The following DHRSX variants were observed in gnomAD, a reference collection of about 807,000 sequenced individuals.
DHRSX encodes the protein dehydrogenase/reductase X-linked.
DHRSX carries 31 observed loss-of-function variants against 34.0 expected under a neutral mutation model. The observed-to-expected ratio is 0.91, with a 90% CI of 0.69 to 1.23. The LOEUF is 1.23. DHRSX is among the 50% of genes most tolerant of loss of function. The probability of loss-of-function intolerance (pLI) is 0.00; values close to 1 mark genes in which losing one functional copy is unlikely to be tolerated. For synonymous variants in DHRSX, 201 were observed against 183.8 expected, an observed-to-expected ratio of 1.09 and a Z score of -0.76; for missense variants, 414 against 428.1, an observed-to-expected ratio of 0.97 and a Z score of 0.29.
At chrX:2,339,144 A>AT (rs1325676582) in intron 3 of DHRSX, among the ~76,000 whole-genome samples, 1 of 151,462 alleles carries the variant, frequency 6.6e-6, no homozygotes, top group East Asian at 1.9e-4. Flanking sequence ...AGTTCTTTTT[A>AT]TTTTTTTCTG....
intron 3 of DHRSX, among the ~76,000 whole-genome samples, chrX:2,369,664 G>A (rs2043034222): frequency 6.6e-6 from 1 of 151,808 alleles, no homozygotes; most frequent in South Asian, 2.1e-4. Flanking sequence ...AATTAGCCGG[G>A]GCTAATTTTT....
At chrX:2,469,529 G>T in intron 1 of DHRSX, among the ~76,000 whole-genome samples, 1 of 151,238 alleles carries the variant, frequency 6.6e-6, no homozygotes, top group East Asian at 2.0e-4. Context: ...TGTACACACT[G>T]AAGACATTCC....
intron 1 of DHRSX, among the ~76,000 whole-genome samples, chrX:2,484,332 C>A (rs2044825267): frequency 6.6e-6 from 1 of 152,122 alleles, no homozygotes; most frequent in South Asian, 2.1e-4. Context: ...AATGCATGGT[C>A]CGCGGAGCCA....
chrX:2,336,269 G>A (rs62583711), intron 3 of DHRSX: 41,042 of 151,868 alleles, frequency 0.27, 6,746 homozygotes, highest in African/African-American at 0.45. Context: ...CACCCTCCCA[G>A]AATGCTGGGA....
At chrX:2,459,516 T>TAG (rs750009785) in intron 1 of DHRSX, among the ~76,000 whole-genome samples, 6,113 of 139,830 alleles carry the variant, frequency 0.044, 205 homozygotes, top group South Asian at 0.1. Flanking sequence ...TATTGTACCA[T>TAG]AGAGAGAGAG....
At chrX:2,341,060 G>A (rs1001102346) in intron 3 of DHRSX, among the ~76,000 whole-genome samples, 6 of 151,988 alleles carry the variant, frequency 3.9e-5, no homozygotes, top group South Asian at 2.1e-4. Flanking sequence ...AATGGCTGCC[G>A]CTCTCTCTCC....
chrX:2,465,812 A>G (rs1473027250), intron 1 of DHRSX, among the ~76,000 whole-genome samples: 51 of 97,626 alleles, frequency 5.2e-4, no homozygotes, highest in African/African-American at 2.1e-3. Context: ...TCCATCGCAA[A>G]AAAAAAAAAA....
At chrX:2,362,331 C>T (rs1461937573) in intron 3 of DHRSX, among the ~76,000 whole-genome samples, 1 of 152,196 alleles carries the variant, frequency 6.6e-6, no homozygotes, top group Non-Finnish European at 1.5e-5. Flanking sequence ...CACAGAGTCT[C>T]ACTCTGTTGA....
intron 3 of DHRSX, among the ~76,000 whole-genome samples, chrX:2,358,950 GA>G (rs57856874): frequency 1.3e-3 from 156 of 124,488 alleles, no homozygotes; most frequent in East Asian, 3.7e-3. Context: ...CTCTGTCTCG[GA>G]AAAAAAAAAA....
At chrX:2,474,101 G>A (rs956186650) in intron 1 of DHRSX, among the ~76,000 whole-genome samples, 21 of 152,118 alleles carry the variant, frequency 1.4e-4, no homozygotes, top group Non-Finnish European at 4.4e-5. Flanking sequence ...GACACCCAAT[G>A]AAGAAACAAA....
At chrX:2,292,087 T>C (rs1023299335) in intron 3 of DHRSX, among the ~76,000 whole-genome samples, 5 of 152,032 alleles carry the variant, frequency 3.3e-5, no homozygotes, top group African/African-American at 1.2e-4. Context: ...AATGAGGAGC[T>C]CATACTCTAG....
In DHRSX at chrX:2,219,696, T is replaced by C. The variant is rs1432270807; in HGVS notation, c.*1345A>G. 2 of 152,174 alleles carry C rather than the reference T, an allele frequency of 1.3e-5. No individual in the cohort carries two copies. Among genetic ancestry groups the C allele is most frequent in the Admixed American group, 6.6e-5 (1 of 15,266 alleles). The allele number at this position is 152,174 out of a possible 1,614,324, so 9.4% of individuals were successfully genotyped here. A position where few individuals can be genotyped will look rare whatever the true frequency, so the allele number is the denominator to read the frequency against. ...GTACAGGCATGCCAGGAGCCTGGAT[T>C]TGAATAGTCAGTGGGATTTTGTCAC... On this transcript the variant is annotated 3_prime_UTR_variant, in exon 7 of 7. Transcript: ENST00000334651.
At chrX:2,432,732 A>G (rs776974147) in intron 1 of DHRSX, among the ~76,000 whole-genome samples, 1 of 152,224 alleles carries the variant, frequency 6.6e-6, no homozygotes, top group Non-Finnish European at 1.5e-5. Context: ...GATTGCAAGA[A>G]AGCAGGAATC....
intron 5 of DHRSX, among the ~76,000 whole-genome samples, chrX:2,264,264 G>A (rs73628266): frequency 0.04 from 6,127 of 152,130 alleles, 431 homozygotes; most frequent in African/African-American, 0.14. Flanking sequence ...CTACCCAGCA[G>A]AAGCAGGGAG....
intron 3 of DHRSX, among the ~76,000 whole-genome samples, chrX:2,331,233 C>T (rs1272918145): frequency 6.6e-6 from 1 of 152,072 alleles, no homozygotes; most frequent in Non-Finnish European, 1.5e-5. Flanking sequence ...CCATCTTCAA[C>T]CTGCACCTTT....
chrX:2,285,756 C>T (rs1454760295), intron 4 of DHRSX, among the ~76,000 whole-genome samples: 1 of 152,162 alleles, frequency 6.6e-6, no homozygotes, highest in African/African-American at 2.4e-5. Context: ...CATAAGTTGA[C>T]ACCAGCAATA....
intron 3 of DHRSX, among the ~76,000 whole-genome samples, chrX:2,335,463 G>GTA (rs1926880019): frequency 6.6e-6 from 1 of 151,612 alleles, no homozygotes; most frequent in South Asian, 2.1e-4. Context: ...GTGTGTGTGT[G>GTA]TGTGTTTAGA....
At chrX:2,490,449 C>T (rs775831950) in intron 1 of DHRSX, 3 of 1,613,932 alleles carry the variant, frequency 1.9e-6, no homozygotes, top group African/African-American at 1.3e-5. Context: ...AAGGCGGTGG[C>T]GAAGGCTTCA....
chrX:2,496,612 T>C (rs1338192520), intron 1 of DHRSX, among the ~76,000 whole-genome samples: 1 of 152,110 alleles, frequency 6.6e-6, no homozygotes, highest in Non-Finnish European at 1.5e-5. Flanking sequence ...AAACACCACC[T>C]GTTCCCCAAT....
Sources: gnomAD v4.1 joint callset for allele counts (sites outside exome capture counted in the v4.1 genomes callset) on GRCh38, gnomAD v4.1.1 for gene constraint, MANE v1.5 for transcripts, NCBI Gene and HGNC (gene_info 2026-07-23, HGNC 2026-07-21) for gene names.